Variants in CPAMD8 observed in about 807,000 individuals in gnomAD.
CPAMD8 encodes C3 and PZP-like alpha-2-macroglobulin domain-containing protein 8.
A neutral mutation model predicts 224.7 loss-of-function variants in CPAMD8; 146 were observed. That is an observed-to-expected ratio of 0.65 (90% CI 0.57 to 0.75). The LOEUF (loss-of-function observed/expected upper bound fraction) is 0.75. Ranked by LOEUF, CPAMD8 falls within the 30% of genes least tolerant of loss-of-function variation. CPAMD8 has a pLI of 0.00. For synonymous variants in CPAMD8, 966 were observed against 1,044.6 expected, an observed-to-expected ratio of 0.92 and a Z score of 1.45; for missense variants, 2,301 against 2,537.5, an observed-to-expected ratio of 0.91 and a Z score of 2.00.
intron 20 of CPAMD8, among the ~76,000 whole-genome samples, chr19:16,949,003 AAAAGAAAAGAAAG>A (rs199977888): frequency 0.018 from 2,489 of 141,134 alleles, 33 homozygotes; most frequent in African/African-American, 0.023. Flanking sequence ...AAAGAGAGAG[AAAAGAAAAGAAAG>A]AAAGAAAAGA....
intron 26 of CPAMD8, among the ~76,000 whole-genome samples, chr19:16,924,101 C>T (rs1226091174): frequency 6.6e-6 from 1 of 152,300 alleles, no homozygotes; most frequent in Non-Finnish European, 1.5e-5. Flanking sequence ...GGGACAGTCT[C>T]CCTCAGAGCC....
At chr19:16,943,373 T>C (rs898274468) in intron 22 of CPAMD8, among the ~76,000 whole-genome samples, 6 of 152,056 alleles carry the variant, frequency 3.9e-5, no homozygotes, top group Non-Finnish European at 8.8e-5. Flanking sequence ...CGTTGTAGCA[T>C]GGATCAGTGC....
rs1012398641 is a variant in CPAMD8, at chr19:17,011,282, C to T, written c.486+182G>A. 6.6e-5 allele frequency among the ~76,000 whole-genome samples: 10 copies of T among 152,200 alleles called. No individual in the cohort carries two copies. The East Asian group carries it at 7.7e-4, about 12-fold the overall frequency. Reference sequence around the variant, plus strand: ...TTGTTGAGGGGCAGTGGGCCAGGCACGCCCACCAGCCTTCCTCTGTCACAA... The same window carrying T: ...TTGTTGAGGGGCAGTGGGCCAGGCATGCCCACCAGCCTTCCTCTGTCACAA... On this transcript the variant is annotated intron_variant, in intron 5 of 41. Coordinates refer to ENST00000443236, the MANE Select transcript of CPAMD8 (RefSeq NM_015692.5).
intron 29 of CPAMD8, 104 bp from the exon 30 acceptor site, chr19:16,907,221 C>T (rs1191608567): frequency 7.4e-7 from 1 of 1,350,814 alleles, no homozygotes; most frequent in Non-Finnish European, 9.5e-7. Flanking sequence ...TGGGTGACTC[C>T]TAGCCCCTTG....
intron 1 of CPAMD8, among the ~76,000 whole-genome samples, chr19:17,025,551 G>A (rs965540953): frequency 6.6e-6 from 1 of 152,154 alleles, no homozygotes; most frequent in African/African-American, 2.4e-5. Flanking sequence ...CCTGCACATC[G>A]AAAGCTGTTT....
chr19:17,007,801 T>C lies in CPAMD8; in HGVS notation c.559+704A>G, dbSNP rs2056533900. Among the ~76,000 whole-genome samples, 2 of 152,248 alleles carry C rather than the reference T, an allele frequency of 1.3e-5. 1 individual carries two copies. Among genetic ancestry groups the C allele is most frequent in the South Asian group, 4.1e-4 (2 of 4,830 alleles). On this transcript the variant is annotated intron_variant, in intron 7 of 41. Coordinates refer to ENST00000443236, the MANE Select transcript of CPAMD8 (RefSeq NM_015692.5). ...AAAAGAAAAGAAAAAAGCAAAGTCC[T>C]TTCTGACTTCTAGCTGGAAAAGAAA...
intron 9 of CPAMD8, 54 bp downstream of exon 9, chr19:17,002,212 G>T: frequency 1.7e-6 from 2 of 1,188,166 alleles, no homozygotes; most frequent in Non-Finnish European, 2.5e-6. Context: ...CAGCGTGATG[G>T]TTGGGGAAGG....
Position 16,904,351 on chromosome 19 carries a change from C to A in CPAMD8, c.4126G>T (p.Glu1376Ter). The A allele has an allele frequency of 6.2e-7, 1 of 1,613,988 alleles. No homozygotes were observed. The highest frequency in any genetic ancestry group is 8.5e-7 in the Non-Finnish European group (1 of 1,180,032). The stretch of plus-strand genomic sequence containing the variant: ...AGGGCGTAGGCTGTCATTTCCACCT[C>A]GGCCGAGACCACTGCAATGGAAGAG... ...DRVSQSVVSAEVEMTAYALLT... is the reference protein window; with the variant it reads ...DRVSQSVVSA Residue 1376 changes from glutamate to a stop codon, truncating the protein, a stop_gained, in exon 32 of 42, where the codon GAG (glutamate) becomes TAG (stop). Transcript: ENST00000443236. LOFTEE classifies it high-confidence loss of function.
chr19:16,979,266 T>G (rs1234431093), intron 14 of CPAMD8, among the ~76,000 whole-genome samples: 1 of 75,086 alleles, frequency 1.3e-5, no homozygotes, highest in Non-Finnish European at 2.3e-5. Context: ...CACCCACCCA[T>G]TAGCCATCCA....
intron 18 of CPAMD8, among the ~76,000 whole-genome samples, chr19:16,964,003 C>A (rs187675847): frequency 6.6e-6 from 1 of 152,230 alleles, no homozygotes; most frequent in East Asian, 1.9e-4. Flanking sequence ...AGAACAAAGA[C>A]ACAACACACC....
chr19:16,946,430 T>C (rs2054090810), intron 21 of CPAMD8, among the ~76,000 whole-genome samples: 1 of 148,780 alleles, frequency 6.7e-6, no homozygotes, highest in African/African-American at 2.5e-5. Context: ...TGGATTTGTG[T>C]GTGTGAATGC....
chr19:16,903,817 A>T lies in CPAMD8; in HGVS notation c.4292T>A (p.Ile1431Asn). The change falls in exon 33 of 42, where the codon ATC becomes AAC. Residue 1431 changes from isoleucine to asparagine, a missense_variant. Coordinates refer to ENST00000443236, the MANE Select transcript of CPAMD8 (RefSeq NM_015692.5). ...VALQALAEYA[I>N]LSYAGGINLT... is the part of the protein sequence containing the mutation. ...GTTGATGCCTCCAGCATAGGACAAGATGGCATATTCAGCCAAGGCCTGCAG... is the reference window on the plus strand; with the variant it reads ...GTTGATGCCTCCAGCATAGGACAAGTTGGCATATTCAGCCAAGGCCTGCAG... 1 of 1,614,120 alleles carries T rather than the reference A, an allele frequency of 6.2e-7. No homozygotes were observed. The highest frequency in any genetic ancestry group is 8.5e-7 in the Non-Finnish European group (1 of 1,179,998).
chr19:16,909,740 G>A (rs111837427), intron 29 of CPAMD8, among the ~76,000 whole-genome samples: 3,300 of 89,960 alleles, frequency 0.037, 113 homozygotes, highest in African/African-American at 0.15. Flanking sequence ...GCGAAACTTC[G>A]TCTCAAAAAA....
At chr19:16,959,697 T>C (rs1249041699) in intron 18 of CPAMD8, among the ~76,000 whole-genome samples, 2 of 151,902 alleles carry the variant, frequency 1.3e-5, no homozygotes, top group African/African-American at 2.4e-5. Flanking sequence ...TCCACCACCA[T>C]GTCCGGCTAA....
At position 16,957,905 on chromosome 19, in the gene CPAMD8, T is replaced by G; in HGVS notation, c.2224A>C (p.Arg742=). ...PSRHPPRTEK[R]KRTFFPETWI... is the part of the protein sequence containing the mutation. ...GTTTCGGGGAAGAAAGTCCTTTTTC[T>G]CTTCTCTGTTCTATGAAAAGAAAAA... Residue 742 remains arginine (R), a synonymous_variant, in exon 19 of 42, where the codon AGA becomes CGA. Transcript: ENST00000443236. The G allele has an allele frequency of 1.2e-6, 2 of 1,613,988 alleles. No individual in the cohort carries two copies. The highest frequency in any genetic ancestry group is 1.7e-6 in the Non-Finnish European group (2 of 1,179,896).
chr19:16,920,545 TGAG>T (rs1196268201), intron 27 of CPAMD8, among the ~76,000 whole-genome samples: 1 of 151,398 alleles, frequency 6.6e-6, no homozygotes, highest in Non-Finnish European at 1.5e-5. Context: ...CGGAAGATGC[TGAG>T]GAGGTGTGTG....
At chr19:16,904,606 A>T (rs1446287978) in intron 30 of CPAMD8, 54 bp from the exon 31 acceptor site, 2 of 1,247,926 alleles carry the variant, frequency 1.6e-6, no homozygotes, top group Non-Finnish European at 2.4e-6. Context: ...GTAGCCTGGC[A>T]TCCCATGGAG....
At chr19:16,951,626 G>A (rs1248381462) in intron 20 of CPAMD8, among the ~76,000 whole-genome samples, 1 of 152,036 alleles carries the variant, frequency 6.6e-6, no homozygotes, top group Non-Finnish European at 1.5e-5. Context: ...GTCCAGGCAC[G>A]CCCTTGCTAG....
At position 16,939,422 on chromosome 19, in the gene CPAMD8, T is replaced by C. The variant is rs558992094; in HGVS notation, c.2794-976A>G. On this transcript the variant is annotated intron_variant, in intron 22 of 41. Coordinates refer to ENST00000443236, the MANE Select transcript of CPAMD8 (RefSeq NM_015692.5). ...TGGGATTTTGCCATGTTGGCCAGGC[T>C]AGTCTCAAGCTCCTGACCTCAAGCG... is the stretch of plus-strand genomic sequence containing the variant. Among the ~76,000 whole-genome samples the C allele has an allele frequency of 3.3e-5, 5 of 152,190 alleles. No homozygotes were observed. The South Asian group carries it at 1.0e-3, about 32-fold the overall frequency.
Sources: gnomAD v4.1 joint callset for allele counts (sites outside exome capture counted in the v4.1 genomes callset) on GRCh38, gnomAD v4.1.1 for gene constraint, MANE v1.5 for transcripts, NCBI Gene and HGNC (gene_info 2026-07-23, HGNC 2026-07-21) for gene names.